Variants in MTR observed in about 807,000 individuals in gnomAD.
MTR encodes methionine synthase.
In MTR, 84 loss-of-function variants were observed where a neutral mutation model predicts 154.8. The observed-to-expected ratio is 0.54, with a 90% confidence interval of 0.45 to 0.65. The LOEUF is 0.65. Among genes scored for constraint, MTR ranks in the 30% least tolerant of loss-of-function variants. The pLI, the probability that MTR is intolerant of heterozygous loss-of-function variation, is 0.00. For synonymous variants in MTR, 554 were observed against 553.9 expected (o/e 1.00, Z 0.00); for missense variants, 1,275 against 1,570.2 (o/e 0.81, Z 3.18).
At chr1:236,813,701 TTC>T (rs1258623480) in intron 6 of MTR, among the ~76,000 whole-genome samples, 1 of 152,188 alleles carries the variant, frequency 6.6e-6, no homozygotes, top group Non-Finnish European at 1.5e-5. Context: ...TGTCCTTTTT[TTC>T]TATTGGACTT....
chr1:236,862,247 A>G lies in MTR; in HGVS notation c.2208A>G (p.Ser736=). The change falls in exon 21 of 33, where the codon TCA becomes TCG. Residue 736 remains serine, a synonymous_variant. Transcript: ENST00000366577. ...GKMFLPQVIK[S]ARVMKKAVGH... ...GCTTTTTTTCTCAGGTTATAAAGTC[A>G]GCCCGGGTTATGAAGAAGGCTGTTG... The G allele has an allele frequency of 6.2e-7, 1 of 1,613,754 alleles. No homozygotes were observed. Among genetic ancestry groups the G allele is most frequent in the Non-Finnish European group, 8.5e-7 (1 of 1,179,636 alleles).
intron 27 of MTR, among the ~76,000 whole-genome samples, chr1:236,886,813 G>T (rs1464528233): frequency 6.6e-6 from 1 of 152,182 alleles, no homozygotes; most frequent in African/African-American, 2.4e-5. Context: ...ACCTGAGGTG[G>T]CCTGGGTCTT....
At chr1:236,871,277 C>T (rs968431513) in intron 22 of MTR, among the ~76,000 whole-genome samples, 1 of 152,116 alleles carries the variant, frequency 6.6e-6, no homozygotes, top group Non-Finnish European at 1.5e-5. Flanking sequence ...GATTCTGATG[C>T]GAAGTCTACA....
At chr1:236,852,221 T>C (rs1451238763) in intron 16 of MTR, among the ~76,000 whole-genome samples, 1 of 151,708 alleles carries the variant, frequency 6.6e-6, no homozygotes, top group African/African-American at 2.4e-5. Context: ...TAATTTGTAC[T>C]TTCAGTGAAT....
At chr1:236,838,026 C>T (rs6668344) in intron 14 of MTR, among the ~76,000 whole-genome samples, 57,055 of 151,914 alleles carry the variant, frequency 0.38, 11,109 homozygotes, top group East Asian at 0.44. Flanking sequence ...AGAGGGCTGT[C>T]CCCAAAGGAC....
chr1:236,818,120 A>T (rs192343683), intron 8 of MTR, among the ~76,000 whole-genome samples: 8 of 152,190 alleles, frequency 5.3e-5, no homozygotes, highest in Admixed American at 5.2e-4. Flanking sequence ...CTAAGTCTGA[A>T]TTTGTTATGT....
intron 29 of MTR, 90 bp from the exon 30 acceptor site, chr1:236,894,267 T>C: frequency 7.9e-7 from 1 of 1,272,058 alleles, no homozygotes; most frequent in East Asian, 2.3e-5. Flanking sequence ...TTATTCTCAT[T>C]TGACGATACC....
At position 236,873,935 on chromosome 1, in the gene MTR, C is replaced by T. The variant is rs541441537; in HGVS notation, c.2473+95C>T. On this transcript the variant is annotated intron_variant, in intron 23 of 32. Transcript: ENST00000366577. ...TGTCTGTCAGTGAATAGTGATGCCC[C>T]ATGAGGGTTCTGTGGGACATACAAT... 19,095 of 1,228,906 alleles carry T rather than the reference C, an allele frequency of 0.016. 1,233 individuals carry two copies. In the East Asian group the frequency reaches 0.17, roughly 11 times the overall value. The allele number at this position is 1,228,906 out of a possible 1,614,324, so 76.1% of individuals were successfully genotyped here. A position where few individuals can be genotyped will look rare whatever the true frequency, so the allele number is the denominator to read the frequency against.
At chr1:236,844,209 G>C (rs1197272139) in intron 15 of MTR, among the ~76,000 whole-genome samples, 2 of 152,188 alleles carry the variant, frequency 1.3e-5, no homozygotes, top group Non-Finnish European at 2.9e-5. Flanking sequence ...ATGTTCAGCT[G>C]TTTAAAGAGT....
Position 236,862,250 on chromosome 1 carries a change from C to G in MTR, c.2211C>G (p.Ala737=). The G allele has an allele frequency of 6.2e-7, 1 of 1,613,810 alleles. No homozygotes were observed. Among genetic ancestry groups the G allele is most frequent in the South Asian group, 1.1e-5 (1 of 91,080 alleles). The stretch of plus-strand genomic sequence containing the variant: ...TTTTTTCTCAGGTTATAAAGTCAGC[C>G]CGGGTTATGAAGAAGGCTGTTGGCC... The part of the protein sequence containing the change: ...KMFLPQVIKS[A]RVMKKAVGHL... Residue 737 remains alanine, a synonymous_variant, in exon 21 of 33, where the codon GCC becomes GCG. Coordinates refer to ENST00000366577, the MANE Select transcript of MTR (RefSeq NM_000254.3).
intron 6 of MTR, among the ~76,000 whole-genome samples, chr1:236,813,891 ATGT>A (rs1481822643): frequency 6.6e-6 from 1 of 151,986 alleles, no homozygotes; most frequent in East Asian, 1.9e-4. Flanking sequence ...TTTTTCTTAA[ATGT>A]TGTGTGGTTG....
intron 13 of MTR, among the ~76,000 whole-genome samples, chr1:236,835,031 T>C (rs142268547): frequency 1.4e-3 from 211 of 152,314 alleles, no homozygotes; most frequent in African/African-American, 4.8e-3. Flanking sequence ...TGAAGAGTTA[T>C]ATAGTTTTTG....
At chr1:236,853,771 G>A (rs1664049539) in intron 18 of MTR, among the ~76,000 whole-genome samples, 1 of 152,144 alleles carries the variant, frequency 6.6e-6, no homozygotes, top group South Asian at 2.1e-4. Context: ...AAGTTCTGCA[G>A]TTCAAGGCTT....
chr1:236,900,749 A>T lies in MTR; in HGVS notation c.*3105A>T, dbSNP rs1207240584. 1 of 152,354 alleles carries T rather than the reference A, an allele frequency of 6.6e-6. No individual in the cohort carries two copies. The highest frequency in any genetic ancestry group is 2.4e-5 in the African/African-American group (1 of 41,450). The allele number at this position is 152,354 out of a possible 1,614,324, so 9.4% of individuals were successfully genotyped here. The stretch of plus-strand genomic sequence containing the variant: ...AAGGAAAGGAAGAACATCTTAGGGT[A>T]AACAGCAGCTAGAAAGGTGAGGGGC... On this transcript the variant is annotated 3_prime_UTR_variant, in exon 33 of 33. Coordinates refer to ENST00000366577, the MANE Select transcript of MTR (RefSeq NM_000254.3).
Position 236,880,283 on chromosome 1 carries a change from T to C in MTR, c.2595-472T>C, listed in dbSNP as rs576276312. ...AGGTGGGGTTGGGGCTGAGGAGTGT[T>C]GATGTCTCCCATGAATAGGGGAGCA... is the stretch of plus-strand genomic sequence containing the variant. On this transcript the variant is annotated intron_variant, in intron 24 of 32. Transcript: ENST00000366577. Among the ~76,000 whole-genome samples the C allele has an allele frequency of 5.3e-3, 807 of 152,318 alleles. 11 individuals are homozygous for C. Among genetic ancestry groups the C allele is most frequent in the African/African-American group, 0.018 (757 of 41,556 alleles).
chr1:236,892,015 C>G (rs905217207), intron 29 of MTR, among the ~76,000 whole-genome samples: 4 of 152,026 alleles, frequency 2.6e-5, no homozygotes, highest in African/African-American at 9.7e-5. Context: ...GTCTCTCATC[C>G]CCCCCACCTT....
chr1:236,842,503 A>G (rs1026103366), intron 15 of MTR, among the ~76,000 whole-genome samples: 2 of 152,074 alleles, frequency 1.3e-5, no homozygotes, highest in Admixed American at 6.5e-5. Context: ...TGAGATTTTC[A>G]TATCTACATT....
intron 19 of MTR, among the ~76,000 whole-genome samples, 175 bp downstream of exon 19, chr1:236,860,097 GCACATT>G (rs2103293942): frequency 1.5e-5 from 1 of 67,608 alleles, no homozygotes; most frequent in African/African-American, 5.5e-5. Flanking sequence ...CCCCACCATA[GCACATT>G]TGACAGTGTT....
intron 18 of MTR, among the ~76,000 whole-genome samples, chr1:236,856,359 C>G (rs1026224557): frequency 3.9e-5 from 6 of 151,946 alleles, no homozygotes; most frequent in African/African-American, 1.2e-4. Flanking sequence ...CTATCTCGTT[C>G]AGGTTTTTCA....
Sources: allele counts gnomAD v4.1 joint callset (sites outside exome capture counted in the v4.1 genomes callset), GRCh38; gene constraint gnomAD v4.1.1; transcripts MANE v1.5; gene names NCBI Gene and HGNC (gene_info 2026-07-23, HGNC 2026-07-21).